PDSS2: variants seen among roughly 807,000 people sequenced by gnomAD.
The protein encoded by PDSS2 is all trans-polyprenyl-diphosphate synthase PDSS2.
PDSS2 carries 31 observed loss-of-function variants against 44.5 expected under a neutral mutation model. The ratio of observed to expected loss-of-function variants is 0.70; its 90% CI spans 0.52 to 0.94. The LOEUF is 0.94. Ranked by LOEUF, PDSS2 falls within the 40% of genes least tolerant of loss-of-function variation. The pLI, the probability that PDSS2 is intolerant of heterozygous loss-of-function variation, is 0.00. For synonymous variants in PDSS2, 157 were observed against 180.3 expected, an observed-to-expected ratio of 0.87 and a Z score of 1.03; for missense variants, 452 against 482.2, an observed-to-expected ratio of 0.94 and a Z score of 0.59.
intron 1 of PDSS2, among the ~76,000 whole-genome samples, chr6:107,342,200 A>AG (rs946146051): frequency 6.6e-6 from 1 of 152,106 alleles, no homozygotes. Flanking sequence ...AAAAAAAAAA[A>AG]AATTAAAGAT....
intron 4 of PDSS2, among the ~76,000 whole-genome samples, chr6:107,232,106 A>T (rs1307910513): frequency 6.6e-6 from 1 of 152,162 alleles, no homozygotes; most frequent in Admixed American, 6.5e-5. Flanking sequence ...GGTACTCAAC[A>T]TCTGTTGAGT....
chr6:107,283,613 G>C (rs1161990900), intron 2 of PDSS2, among the ~76,000 whole-genome samples: 1 of 152,038 alleles, frequency 6.6e-6, no homozygotes, highest in Admixed American at 6.6e-5. Flanking sequence ...CCAGCTACTT[G>C]GGAGGCTGAG....
At chr6:107,307,824 C>T (rs1314981740) in intron 2 of PDSS2, among the ~76,000 whole-genome samples, 1 of 152,052 alleles carries the variant, frequency 6.6e-6, no homozygotes, top group Non-Finnish European at 1.5e-5. Flanking sequence ...GACTTTCTTC[C>T]AATGAAGTTC....
chr6:107,175,232 T>C (rs944834890), intron 7 of PDSS2, among the ~76,000 whole-genome samples: 1 of 140,442 alleles, frequency 7.1e-6, no homozygotes, highest in Non-Finnish European at 1.6e-5. Flanking sequence ...AAAAAAAAGA[T>C]CTCTCTCTCT....
At chr6:107,395,553 A>G (rs1469939844) in intron 1 of PDSS2, among the ~76,000 whole-genome samples, 2 of 152,142 alleles carry the variant, frequency 1.3e-5, no homozygotes, top group African/African-American at 2.4e-5. Flanking sequence ...TGTAATTTAT[A>G]TAAGTGAAAT....
intron 2 of PDSS2, among the ~76,000 whole-genome samples, chr6:107,331,008 T>C (rs1237726988): frequency 6.6e-6 from 1 of 152,178 alleles, no homozygotes; most frequent in Non-Finnish European, 1.5e-5. Flanking sequence ...GGTAATTTAC[T>C]CAGGTCCCGT....
At chr6:107,281,027 G>C (rs1397732932) in intron 2 of PDSS2, among the ~76,000 whole-genome samples, 4 of 152,162 alleles carry the variant, frequency 2.6e-5, no homozygotes, top group Non-Finnish European at 5.9e-5. Flanking sequence ...AGTCTACCAG[G>C]TGGGGTTTCT....
At chr6:107,433,581 A>T (rs1781259196) in intron 1 of PDSS2, among the ~76,000 whole-genome samples, 1 of 152,184 alleles carries the variant, frequency 6.6e-6, no homozygotes, top group Non-Finnish European at 1.5e-5. Context: ...AAAGAATGAA[A>T]CCAGACCTTT....
intron 4 of PDSS2, among the ~76,000 whole-genome samples, chr6:107,238,508 C>T (rs532335679): frequency 6.6e-6 from 1 of 152,308 alleles, no homozygotes; most frequent in South Asian, 2.1e-4. Flanking sequence ...TCAGTGGAGT[C>T]ACGCAGAGTG....
In PDSS2 at chr6:107,219,180, C is replaced by T. The variant is rs139068779; in HGVS notation, c.703-6898G>A. ...TTCCCTTTTATAGTACCAAGCAATA[C>T]TTCTAGTCCCATCTCCTACACAAAA... On this transcript the variant is annotated intron_variant, in intron 4 of 7. Transcript: ENST00000369037. 4.2e-3 allele frequency among the ~76,000 whole-genome samples: 644 copies of T among 152,250 alleles called. 6 individuals carry two copies. Among genetic ancestry groups the T allele is most frequent in the African/African-American group, 0.014 (587 of 41,544 alleles).
chr6:107,255,286 G>A (rs1338623038), intron 3 of PDSS2, among the ~76,000 whole-genome samples: 3 of 141,332 alleles, frequency 2.1e-5, no homozygotes, highest in Non-Finnish European at 3.0e-5. Context: ...TCGACCTCCC[G>A]GGTTCAAACA....
intron 3 of PDSS2, among the ~76,000 whole-genome samples, chr6:107,266,365 CA>C (rs979960123): frequency 4.6e-4 from 69 of 148,662 alleles, no homozygotes; most frequent in African/African-American, 1.7e-3. Flanking sequence ...AGGTCTTTCA[CA>C]AAAAGTGAAC....
intron 1 of PDSS2, among the ~76,000 whole-genome samples, chr6:107,372,163 G>C (rs1779145373): frequency 6.6e-6 from 1 of 152,142 alleles, no homozygotes; most frequent in Non-Finnish European, 1.5e-5. Context: ...AAGGGGGGTA[G>C]TCACCAAACT....
chr6:107,458,615 G>C (rs2114899430), intron 1 of PDSS2, among the ~76,000 whole-genome samples: 1 of 150,680 alleles, frequency 6.6e-6, no homozygotes, highest in East Asian at 2.0e-4. Context: ...GTGACCCCCT[G>C]AACAGTGCGG....
At position 107,227,278 on chromosome 6, in the gene PDSS2, C is replaced by CTTTTTTTTTTTTTTT. The variant is rs60988844; in HGVS notation, c.703-15011_703-14997dup. Among the ~76,000 whole-genome samples the CTTTTTTTTTTTTTTT allele has an allele frequency of 5.8e-4, 60 of 102,796 alleles. 6 individuals are homozygous for CTTTTTTTTTTTTTTT. The highest frequency in any genetic ancestry group is 9.6e-4 in the Non-Finnish European group (47 of 48,778). The allele number at this position is 102,796 out of a possible 152,430, so 67.4% of individuals were successfully genotyped here. On this transcript the variant is annotated intron_variant, in intron 4 of 7. Coordinates refer to ENST00000369037, the MANE Select transcript of PDSS2 (RefSeq NM_020381.4). The stretch of plus-strand genomic sequence containing the variant: ...GATTATAGGTGTAAGCCACTGTGCC[C>CTTTTTTTTTTTTTTT]TTTTTTTTTTTTTTTTTTTTTTTTT...
chr6:107,373,218 C>T (rs1025946126), intron 1 of PDSS2, among the ~76,000 whole-genome samples: 1 of 151,960 alleles, frequency 6.6e-6, no homozygotes, highest in Admixed American at 6.6e-5. Context: ...ATCTCTTGAC[C>T]TCATGATCCG....
intron 1 of PDSS2, among the ~76,000 whole-genome samples, chr6:107,442,698 C>T (rs1367931559): frequency 6.6e-6 from 1 of 152,222 alleles, no homozygotes; most frequent in African/African-American, 2.4e-5. Flanking sequence ...ACCCAACATA[C>T]TTCTGCTAGT....
At chr6:107,327,286 C>T (rs987574091) in intron 2 of PDSS2, among the ~76,000 whole-genome samples, 5 of 152,152 alleles carry the variant, frequency 3.3e-5, no homozygotes, top group Admixed American at 1.3e-4. Context: ...CTACCCACTG[C>T]TGCTTAGAGG....
At chr6:107,368,229 A>G (rs1380031479) in intron 1 of PDSS2, among the ~76,000 whole-genome samples, 1 of 151,172 alleles carries the variant, frequency 6.6e-6, no homozygotes, top group East Asian at 1.9e-4. Context: ...AGATCAGGAC[A>G]CTGCACTCCA....
Sources: gnomAD v4.1 joint callset for allele counts (sites outside exome capture counted in the v4.1 genomes callset) on GRCh38, gnomAD v4.1.1 for gene constraint, MANE v1.5 for transcripts, NCBI Gene and HGNC (gene_info 2026-07-23, HGNC 2026-07-21) for gene names.